RNF150: variants seen among roughly 807,000 people sequenced by gnomAD.
The protein encoded by RNF150 is ring finger protein 150.
A neutral mutation model predicts 39.3 loss-of-function variants in RNF150; 24 were observed. The ratio of observed to expected loss-of-function variants is 0.61; its 90% CI spans 0.44 to 0.86. The LOEUF (loss-of-function observed/expected upper bound fraction) is 0.86. Ranked by LOEUF, RNF150 falls within the 40% of genes least tolerant of loss-of-function variation. RNF150 has a pLI of 0.00. For missense variants in RNF150, 502 were observed against 587.8 expected (o/e 0.85, Z 1.51); for synonymous variants, 255 against 227.3 (o/e 1.12, Z -1.10).
chr4:141,089,859 G>A (rs1232119060), intron 1 of RNF150, among the ~76,000 whole-genome samples: 2 of 152,134 alleles, frequency 1.3e-5, no homozygotes, highest in East Asian at 3.8e-4. Context: ...ACAGCAACAT[G>A]TCATAGAGTT....
intron 1 of RNF150, among the ~76,000 whole-genome samples, chr4:141,172,018 A>G (rs1727736963): frequency 6.6e-6 from 1 of 152,228 alleles, no homozygotes. Context: ...GTACCTATAC[A>G]TAAGATCAAT....
chr4:140,936,611 G>GTT (rs1200420079), intron 4 of RNF150, among the ~76,000 whole-genome samples: 3 of 151,778 alleles, frequency 2.0e-5, no homozygotes, highest in Admixed American at 6.6e-5. Context: ...CACAAAATTC[G>GTT]TTAATTTTAT....
At chr4:140,915,627 G>C (rs867907542) in intron 5 of RNF150, among the ~76,000 whole-genome samples, 1 of 152,222 alleles carries the variant, frequency 6.6e-6, no homozygotes, top group African/African-American at 2.4e-5. Context: ...TCATGTTCTT[G>C]TTCAGCTGGC....
chr4:141,183,211 A>G (rs148101858), intron 1 of RNF150, among the ~76,000 whole-genome samples: 1 of 152,168 alleles, frequency 6.6e-6, no homozygotes, highest in African/African-American at 2.4e-5. Context: ...AAAGGGCTAC[A>G]TATTACCAGG....
chr4:141,048,362 T>C (rs1560708813), intron 1 of RNF150, among the ~76,000 whole-genome samples: 1 of 152,170 alleles, frequency 6.6e-6, no homozygotes, highest in Non-Finnish European at 1.5e-5. Context: ...AATAGTGTTA[T>C]GCAGCCATGG....
chr4:140,937,254 A>G (rs1731894950), intron 4 of RNF150, among the ~76,000 whole-genome samples: 1 of 152,140 alleles, frequency 6.6e-6, no homozygotes, highest in South Asian at 2.1e-4. Flanking sequence ...AAAATTTTTA[A>G]ATAATTTCTT....
chr4:141,016,305 T>A (rs1240207019), intron 1 of RNF150, among the ~76,000 whole-genome samples: 1 of 152,174 alleles, frequency 6.6e-6, no homozygotes, highest in Non-Finnish European at 1.5e-5. Context: ...GGAAGAGGCA[T>A]GGAAAGCACC....
chr4:141,186,173 G>T (rs1220789795), intron 1 of RNF150, among the ~76,000 whole-genome samples: 1 of 152,052 alleles, frequency 6.6e-6, no homozygotes, highest in Admixed American at 6.6e-5. Flanking sequence ...GGCTTTTTTT[G>T]GTTGGTAGGC....
rs574976933 is a variant in RNF150, at chr4:141,159,615, T to C, written c.-6+53179A>G. 8.5e-4 allele frequency among the ~76,000 whole-genome samples: 130 copies of C among 152,292 alleles called. 1 individual carries two copies. The highest frequency in any genetic ancestry group is 3.1e-3 in the African/African-American group (127 of 41,574). On this transcript the variant is annotated intron_variant, in intron 1 of 7. Transcript: ENST00000420921. ...TGGAGTGCAGTGGCGCAATCATGGC[T>C]AACTGCAGCCTCCACCTTCTGGGCC... is the stretch of plus-strand genomic sequence containing the variant.
chr4:140,949,582 G>A (rs1732462765), intron 2 of RNF150, among the ~76,000 whole-genome samples: 1 of 152,070 alleles, frequency 6.6e-6, no homozygotes, highest in Non-Finnish European at 1.5e-5. Context: ...GCCATAGAGA[G>A]AAGTTCTTCA....
At chr4:140,942,035 G>C (rs1010507866) in intron 4 of RNF150, among the ~76,000 whole-genome samples, 2 of 152,188 alleles carry the variant, frequency 1.3e-5, no homozygotes, top group African/African-American at 4.8e-5. Flanking sequence ...AGAGTTTCAT[G>C]TTGGAGGTTG....
rs915706089 is a variant in RNF150, at chr4:140,860,781, T to A, written c.*7480A>T. 6.6e-6 allele frequency: 1 copy of A among 152,158 alleles called. No homozygotes were observed. Among genetic ancestry groups the A allele is most frequent in the Non-Finnish European group, 1.5e-5 (1 of 68,032 alleles). The allele number at this position is 152,158 out of a possible 1,614,324, so 9.4% of individuals were successfully genotyped here. A position where few individuals can be genotyped will look rare whatever the true frequency, so the allele number is the denominator to read the frequency against. On this transcript the variant is annotated 3_prime_UTR_variant, in exon 7 of 7. Transcript: ENST00000515673. Reference sequence around the variant, plus strand: ...GTGGGAAATAATATGCTGTACAAAGTGGTTAAAATAAGTTATTTCTTTTTC... The same window carrying A: ...GTGGGAAATAATATGCTGTACAAAGAGGTTAAAATAAGTTATTTCTTTTTC...
At chr4:141,078,930 T>C (rs1738043243) in intron 1 of RNF150, among the ~76,000 whole-genome samples, 1 of 148,446 alleles carries the variant, frequency 6.7e-6, no homozygotes, top group Non-Finnish European at 1.5e-5. Flanking sequence ...TATATACATA[T>C]ATATACACAC....
chr4:141,147,560 G>C (rs568239648), intron 1 of RNF150, among the ~76,000 whole-genome samples: 5 of 152,304 alleles, frequency 3.3e-5, no homozygotes, highest in African/African-American at 1.2e-4. Flanking sequence ...ATGTACACAA[G>C]GCAGAGGGAA....
chr4:141,016,939 C>T (rs1470713196), intron 1 of RNF150, among the ~76,000 whole-genome samples: 1 of 152,160 alleles, frequency 6.6e-6, no homozygotes, highest in Non-Finnish European at 1.5e-5. Flanking sequence ...TCCATTTCTA[C>T]TCCAAATCCA....
At chr4:141,104,360 C>A (rs907165466) in intron 1 of RNF150, among the ~76,000 whole-genome samples, 2 of 152,122 alleles carry the variant, frequency 1.3e-5, no homozygotes, top group Non-Finnish European at 2.9e-5. Flanking sequence ...GTGCAGAAAC[C>A]TTTTTCTTTC....
In RNF150 at chr4:140,862,725, T is replaced by C. The variant is rs529370590; in HGVS notation, c.*5536A>G. The C allele has an allele frequency of 6.6e-6, 1 of 152,294 alleles. No individual in the cohort carries two copies. The highest frequency in any genetic ancestry group is 2.1e-4 in the South Asian group (1 of 4,830). 9.4% of individuals were successfully genotyped at this position (152,294 alleles called of 1,614,324 possible). A position where few individuals can be genotyped will look rare whatever the true frequency, so the allele number is the denominator to read the frequency against. ...ATTTTTCAGGCAATCCAGACCTTCT[T>C]TGCAATCATGAGTATTTTAACTCAT... On this transcript the variant is annotated 3_prime_UTR_variant, in exon 7 of 7. Transcript: ENST00000515673.
chr4:140,895,287 AGGGTTTC>A (rs1230297683), intron 6 of RNF150, among the ~76,000 whole-genome samples: 4 of 152,190 alleles, frequency 2.6e-5, no homozygotes, highest in Admixed American at 1.3e-4. Flanking sequence ...TTTTAGAGAC[AGGGTTTC>A]TCTAAGGGGA....
chr4:140,942,862 A>G (rs1732143799), intron 4 of RNF150, among the ~76,000 whole-genome samples: 1 of 152,202 alleles, frequency 6.6e-6, no homozygotes, highest in Admixed American at 6.5e-5. Context: ...TGAGTTTTAG[A>G]GAATTTTGTT....
Sources: gnomAD v4.1 joint callset for allele counts (sites outside exome capture counted in the v4.1 genomes callset) on GRCh38, gnomAD v4.1.1 for gene constraint, MANE v1.5 for transcripts, NCBI Gene and HGNC (gene_info 2026-07-23, HGNC 2026-07-21) for gene names.